CLEC16A: variants seen among roughly 807,000 people sequenced by gnomAD.
The protein encoded by CLEC16A is protein CLEC16A.
Under a neutral mutation model 109.5 loss-of-function variants are expected in CLEC16A, and 51 were observed. That is an observed-to-expected ratio of 0.47 (90% confidence interval 0.37 to 0.59). The LOEUF is 0.59. Ranked by LOEUF, CLEC16A falls within the 20% of genes least tolerant of loss-of-function variation. The pLI, the probability that CLEC16A is intolerant of heterozygous loss-of-function variation, is 0.00. For synonymous variants in CLEC16A, 673 were observed against 564.2 expected (o/e 1.19, Z -2.73); for missense variants, 1,339 against 1,394.0 (o/e 0.96, Z 0.63).
intron 19 of CLEC16A, among the ~76,000 whole-genome samples, chr16:11,069,893 G>A (rs1205217728): frequency 6.6e-6 from 1 of 152,192 alleles, no homozygotes; most frequent in South Asian, 2.1e-4. Flanking sequence ...TGTGTGGTAG[G>A]ATGTGCATAG....
At chr16:10,973,299 G>A (rs2042882940) in intron 7 of CLEC16A, among the ~76,000 whole-genome samples, 1 of 152,160 alleles carries the variant, frequency 6.6e-6, no homozygotes, top group South Asian at 2.1e-4. Flanking sequence ...CCATAGATGG[G>A]GCTGCTACGC....
At chr16:11,001,225 A>G (rs1300672151) in intron 10 of CLEC16A, among the ~76,000 whole-genome samples, 1 of 152,140 alleles carries the variant, frequency 6.6e-6, no homozygotes, top group Non-Finnish European at 1.5e-5. Context: ...AGCTGGGACT[A>G]CATGGGCATG....
chr16:10,957,945 T>C (rs1312748308), intron 2 of CLEC16A, 35 bp downstream of exon 2: 1 of 1,603,868 alleles, frequency 6.2e-7, no homozygotes, highest in Admixed American at 1.7e-5. Flanking sequence ...TCTTTGATTA[T>C]TCTTCTTTGA....
chr16:11,043,913 A>C, intron 15 of CLEC16A, 115 bp from the exon 16 acceptor site: 1 of 664,164 alleles, frequency 1.5e-6, no homozygotes, highest in East Asian at 2.8e-5. Flanking sequence ...TTATACATTA[A>C]GGATATTAGT....
Position 11,179,082 on chromosome 16 carries a change from C to A in CLEC16A, c.*392C>A. On this transcript the variant is annotated 3_prime_UTR_variant, in exon 24 of 24. Transcript: ENST00000409790. ...AGAAGAATTGGACCAGGTCACTGTACGTAGAAATTTGTAGAAAAGCAGACT... is the reference window on the plus strand; with the variant it reads ...AGAAGAATTGGACCAGGTCACTGTAAGTAGAAATTTGTAGAAAAGCAGACT... The A allele has an allele frequency of 5.0e-6, 1 of 199,956 alleles. No homozygotes were observed. The highest frequency in any genetic ancestry group is 1.1e-4 in the East Asian group (1 of 8,886). The allele number at this position is 199,956 out of a possible 1,614,324, so 12.4% of individuals were successfully genotyped here.
rs145624134 is a variant in CLEC16A at position 11,152,228 on chromosome 16, A to T, written c.2642-14160A>T. On this transcript the variant is annotated intron_variant, in intron 22 of 23. Coordinates refer to ENST00000409790, the MANE Select transcript of CLEC16A (RefSeq NM_015226.3). ...AGAAAGTGGAAGCCTTAGGCCGGTC[A>T]TCTGGGACAATTTCACTTGAACAGC... Among the ~76,000 whole-genome samples the T allele has an allele frequency of 9.2e-5, 14 of 152,352 alleles. No homozygotes were observed. The East Asian group carries it at 2.7e-3, about 29-fold the overall frequency.
In CLEC16A at chr16:11,178,665, A is replaced by C; in HGVS notation, c.3137A>C (p.Glu1046Ala). 1 of 1,539,176 alleles carries C rather than the reference A, an allele frequency of 6.5e-7. No individual in the cohort carries two copies. Residue 1046 changes from glutamate (E) to alanine (A), a missense_variant, in exon 24 of 24, where the codon GAG becomes GCG. Around this residue, in one of 3 missense-constraint regions of CLEC16A, gnomAD observed 1,061 missense variants for 1,006.8 expected, o/e 1.05. Coordinates refer to ENST00000409790, the MANE Select transcript of CLEC16A (RefSeq NM_015226.3). This position sits in a 1 kb window ranked among gnomAD's most constrained non-coding sequence, Gnocchi z 6.5. ...GTGGGCGAAGAGGCTGCATGTGCTG[A>C]GCCTGTGGGCACCGCTGAGGACTGA... is the stretch of plus-strand genomic sequence containing the variant. ...EPVGEEAACA[E>A]PVGTAED
intron 19 of CLEC16A, among the ~76,000 whole-genome samples, chr16:11,093,438 C>A (rs558102562): frequency 1.4e-4 from 21 of 152,280 alleles, no homozygotes; most frequent in Admixed American, 1.4e-3. Flanking sequence ...GGCAAAGGAA[C>A]AAACAGGCTT....
chr16:11,049,972 C>T (rs2047850308), intron 17 of CLEC16A, among the ~76,000 whole-genome samples: 1 of 152,210 alleles, frequency 6.6e-6, no homozygotes, highest in African/African-American at 2.4e-5. Context: ...GCTCCTTGGC[C>T]CTCTGGCCCA....
chr16:11,126,200 A>T lies in CLEC16A; in HGVS notation c.2641+54A>T, dbSNP rs750625531. On this transcript the variant is annotated intron_variant, in intron 22 of 23. Coordinates refer to ENST00000409790, the MANE Select transcript of CLEC16A (RefSeq NM_015226.3). ...GCTCGTTCATCATGGTGGGCGTTCA[A>T]GGTCTTTCTCTCTGTGGAGCCTGTG... is the stretch of plus-strand genomic sequence containing the variant. The T allele has an allele frequency of 1.9e-6, 3 of 1,608,718 alleles. No homozygotes were observed. The East Asian group carries it at 6.7e-5, about 36-fold the overall frequency.
At chr16:11,100,273 G>A (rs530944262) in intron 19 of CLEC16A, among the ~76,000 whole-genome samples, 11 of 152,182 alleles carry the variant, frequency 7.2e-5, no homozygotes, top group East Asian at 5.8e-4. Flanking sequence ...GCCCTCCTAC[G>A]GTCCTGCCAA....
intron 19 of CLEC16A, among the ~76,000 whole-genome samples, chr16:11,068,904 T>G (rs1363675797): frequency 6.6e-6 from 1 of 151,888 alleles, no homozygotes; most frequent in Non-Finnish European, 1.5e-5. Flanking sequence ...AAGCTCCACC[T>G]CCCAGATTCA....
intron 10 of CLEC16A, among the ~76,000 whole-genome samples, chr16:10,989,402 T>G (rs574935289): frequency 4.6e-5 from 7 of 152,176 alleles, no homozygotes; most frequent in Admixed American, 1.3e-4. Context: ...TGTTTTTTTT[T>G]GTTTTTTTGT....
chr16:11,160,003 G>A (rs980800551), intron 22 of CLEC16A, among the ~76,000 whole-genome samples: 1 of 152,124 alleles, frequency 6.6e-6, no homozygotes, highest in Admixed American at 6.6e-5. Context: ...GAGTTGAGTG[G>A]AGAATCCCCA....
intron 19 of CLEC16A, among the ~76,000 whole-genome samples, chr16:11,108,580 G>A (rs2051364073): frequency 6.6e-6 from 1 of 152,256 alleles, no homozygotes; most frequent in African/African-American, 2.4e-5. Context: ...CCAGGGGACT[G>A]GAATGCCAGG....
intron 19 of CLEC16A, among the ~76,000 whole-genome samples, chr16:11,063,388 T>G (rs1388252707): frequency 6.6e-6 from 1 of 151,468 alleles, no homozygotes; most frequent in Non-Finnish European, 1.5e-5. Context: ...AAACGCCTTC[T>G]GTATACAAAA....
chr16:10,947,709 TAA>T (rs2041465731), intron 1 of CLEC16A, among the ~76,000 whole-genome samples: 1 of 152,256 alleles, frequency 6.6e-6, no homozygotes, highest in African/African-American at 2.4e-5. Context: ...CTTTCAGTGC[TAA>T]AACTGGGAAA....
At chr16:11,070,295 C>T (rs1208589288) in intron 19 of CLEC16A, among the ~76,000 whole-genome samples, 2 of 152,046 alleles carry the variant, frequency 1.3e-5, no homozygotes, top group African/African-American at 4.8e-5. Context: ...TGGTCACGAT[C>T]TCCTGACCTC....
At chr16:11,094,003 G>T (rs936653313) in intron 19 of CLEC16A, among the ~76,000 whole-genome samples, 3 of 152,168 alleles carry the variant, frequency 2.0e-5, no homozygotes, top group Non-Finnish European at 4.4e-5. Context: ...GGGTGACGAG[G>T]GTCTTTGGAC....
Sources: allele counts gnomAD v4.1 joint callset (sites outside exome capture counted in the v4.1 genomes callset), GRCh38; gene constraint gnomAD v4.1.1; regional missense constraint gnomAD v4.1.1; non-coding constraint Gnocchi (gnomAD v3.1); transcripts MANE v1.5; gene names NCBI Gene and HGNC (gene_info 2026-07-23, HGNC 2026-07-21).